GRIN2A: variants seen among roughly 807,000 people sequenced by gnomAD.
GRIN2A encodes the protein glutamate receptor ionotropic, NMDA 2A.
GRIN2A carries 22 observed loss-of-function variants against 113.4 expected under a neutral mutation model. That is an observed-to-expected ratio of 0.19 (90% CI 0.14 to 0.28). The LOEUF (loss-of-function observed/expected upper bound fraction) is 0.28, where lower values mean the gene tolerates loss of function less well. Among genes scored for constraint, GRIN2A ranks in the 10% least tolerant of loss-of-function variants. The pLI, the probability that GRIN2A is intolerant of heterozygous loss-of-function variation, is 1.00. For missense variants in GRIN2A, 1,502 were observed against 1,887.0 expected (o/e 0.80, Z 3.78); for synonymous variants, 827 against 738.4 (o/e 1.12, Z -1.94).
At chr16:10,116,165 T>C (rs142528151) in intron 2 of GRIN2A, among the ~76,000 whole-genome samples, 6,138 of 152,282 alleles carry the variant, frequency 0.04, 252 homozygotes, top group Non-Finnish European at 0.051. Context: ...TCACGTCCTT[T>C]GCAGGGACAT....
intron 2 of GRIN2A, among the ~76,000 whole-genome samples, chr16:10,109,751 T>C (rs1389593790): frequency 6.6e-6 from 1 of 152,120 alleles, no homozygotes; most frequent in Non-Finnish European, 1.5e-5. Flanking sequence ...ATTGGATCGT[T>C]TGTAACACAA....
At chr16:9,897,902 G>C (rs946578594) in intron 3 of GRIN2A, among the ~76,000 whole-genome samples, 1 of 152,072 alleles carries the variant, frequency 6.6e-6, no homozygotes, top group Non-Finnish European at 1.5e-5. Flanking sequence ...CCACAGAGCT[G>C]GTGCTGAACA....
At chr16:10,070,966 C>T (rs546033590) in intron 2 of GRIN2A, among the ~76,000 whole-genome samples, 1 of 152,304 alleles carries the variant, frequency 6.6e-6, no homozygotes, top group African/African-American at 2.4e-5. Context: ...AACCCAACAA[C>T]TCTTGGAGTG....
chr16:10,094,987 T>C (rs562102270), intron 2 of GRIN2A, among the ~76,000 whole-genome samples: 18 of 151,706 alleles, frequency 1.2e-4, no homozygotes, highest in Middle Eastern at 6.9e-3. Flanking sequence ...TATTTGGAGA[T>C]AGGGCTTTTA....
intron 2 of GRIN2A, among the ~76,000 whole-genome samples, chr16:10,129,616 A>G (rs1261738045): frequency 1.3e-5 from 2 of 152,198 alleles, no homozygotes; most frequent in African/African-American, 4.8e-5. Flanking sequence ...GGTGAGTGTG[A>G]GGAATGTTCC....
At chr16:9,894,534 C>T (rs1276107258) in intron 3 of GRIN2A, among the ~76,000 whole-genome samples, 1 of 152,136 alleles carries the variant, frequency 6.6e-6, no homozygotes, top group South Asian at 2.1e-4. Flanking sequence ...TCCAGATACA[C>T]ACAGCTAGGT....
chr16:9,761,621 C>G lies in GRIN2A; in HGVS notation c.*1528G>C, dbSNP rs571380650. On this transcript the variant is annotated 3_prime_UTR_variant, in exon 13 of 13. Transcript: ENST00000330684. ...ATCCTGATCTGAGAAAGTGTCATAA[C>G]ATAGCAACTATCTTGTCGGGGGCAC... 1.3e-5 allele frequency: 3 copies of G among 229,584 alleles called. No individual in the cohort carries two copies. The East Asian group carries it at 1.9e-4, about 14-fold the overall frequency. The allele number at this position is 229,584 out of a possible 1,614,324, so 14.2% of individuals were successfully genotyped here.
At chr16:10,000,880 A>G (rs2046308750) in intron 2 of GRIN2A, among the ~76,000 whole-genome samples, 2 of 151,952 alleles carry the variant, frequency 1.3e-5, no homozygotes, top group African/African-American at 4.8e-5. Flanking sequence ...TCTTGGTTAT[A>G]CTCAAAGGGC....
chr16:9,903,692 C>A (rs768376027), intron 3 of GRIN2A, among the ~76,000 whole-genome samples: 1 of 152,188 alleles, frequency 6.6e-6, no homozygotes, highest in Admixed American at 6.5e-5. Flanking sequence ...TCAGGTTAGA[C>A]GCATCCTCTT....
intron 2 of GRIN2A, among the ~76,000 whole-genome samples, chr16:9,977,710 C>T (rs2045804257): frequency 6.6e-6 from 1 of 152,076 alleles, no homozygotes; most frequent in Non-Finnish European, 1.5e-5. Context: ...CCCATATGCA[C>T]ACGTGCACAC....
At chr16:9,853,894 T>A (rs2042924719) in intron 4 of GRIN2A, among the ~76,000 whole-genome samples, 1 of 152,196 alleles carries the variant, frequency 6.6e-6, no homozygotes, top group Admixed American at 6.5e-5. Context: ...CATTATATAA[T>A]TTATTCATAA....
chr16:9,976,330 C>G (rs531153766), intron 2 of GRIN2A, among the ~76,000 whole-genome samples: 1 of 152,104 alleles, frequency 6.6e-6, no homozygotes, highest in African/African-American at 2.4e-5. Context: ...ATATGCAGCC[C>G]CATATTCTGG....
chr16:9,769,142 G>A (rs1003039776), intron 11 of GRIN2A, 53 bp from the exon 12 acceptor site: 2 of 1,365,354 alleles, frequency 1.5e-6, no homozygotes, highest in African/African-American at 2.8e-5. Context: ...TGCACTTTGG[G>A]GCAGACGCTT....
intron 2 of GRIN2A, among the ~76,000 whole-genome samples, chr16:9,982,546 C>G (rs111700546): frequency 1.2e-4 from 19 of 152,298 alleles, no homozygotes; most frequent in African/African-American, 4.6e-4. Flanking sequence ...CATGCTTCTT[C>G]CCCCATGTAT....
chr16:10,075,297 C>T (rs1364658847), intron 2 of GRIN2A, among the ~76,000 whole-genome samples: 1 of 152,134 alleles, frequency 6.6e-6, no homozygotes, highest in Non-Finnish European at 1.5e-5. Flanking sequence ...GATTAGGAAA[C>T]TGAGCCCTAG....
chr16:10,052,422 G>A (rs2047374329), intron 2 of GRIN2A, among the ~76,000 whole-genome samples: 1 of 152,172 alleles, frequency 6.6e-6, no homozygotes, highest in African/African-American at 2.4e-5. Flanking sequence ...CTCACCCTAA[G>A]TCCTTTTACA....
At chr16:9,971,745 T>A (rs2045673466) in intron 2 of GRIN2A, among the ~76,000 whole-genome samples, 1 of 152,156 alleles carries the variant, frequency 6.6e-6, no homozygotes, top group Non-Finnish European at 1.5e-5. Context: ...GTTCTGCTTC[T>A]GGTATGGTAG....
intron 2 of GRIN2A, among the ~76,000 whole-genome samples, chr16:9,971,368 C>G (rs1227322331): frequency 2.0e-5 from 3 of 152,176 alleles, no homozygotes; most frequent in Admixed American, 6.5e-5. Flanking sequence ...TGAGCTACGC[C>G]CCCAAGCCAA....
rs535892543 is a variant in GRIN2A at position 10,143,658 on chromosome 16, A to G, written c.414+36340T>C. On this transcript the variant is annotated intron_variant, in intron 2 of 12. Coordinates refer to ENST00000330684, the MANE Select transcript of GRIN2A (RefSeq NM_001134407.3). ...GGGGGTTGGTAAGGTATTAGGGAGGAGGGAGTATTAAGAAAACAAGATTGG... is the reference window on the plus strand; with the variant it reads ...GGGGGTTGGTAAGGTATTAGGGAGGGGGGAGTATTAAGAAAACAAGATTGG... Among the ~76,000 whole-genome samples, 4 of 152,196 alleles carry G rather than the reference A, an allele frequency of 2.6e-5. No homozygotes were observed. In the South Asian group the frequency reaches 8.3e-4, roughly 32 times the overall value.
Sources: gnomAD v4.1 joint callset for allele counts (sites outside exome capture counted in the v4.1 genomes callset) on GRCh38, gnomAD v4.1.1 for gene constraint, MANE v1.5 for transcripts, NCBI Gene and HGNC (gene_info 2026-07-23, HGNC 2026-07-21) for gene names.